Variants in LYST observed in about 807,000 individuals in gnomAD.
The protein encoded by LYST is lysosomal trafficking regulator.
A neutral mutation model predicts 413.6 loss-of-function variants in LYST; 192 were observed. That is an observed-to-expected ratio of 0.46 (90% CI 0.41 to 0.52). The LOEUF is 0.52. Among genes scored for constraint, LYST ranks in the 20% least tolerant of loss-of-function variants. The pLI, the probability that LYST is intolerant of heterozygous loss-of-function variation, is 0.00. For missense variants in LYST, 3,815 were observed against 4,499.9 expected, an observed-to-expected ratio of 0.85 and a Z score of 4.35; for synonymous variants, 1,525 against 1,567.3, an observed-to-expected ratio of 0.97 and a Z score of 0.64.
intron 10 of LYST, among the ~76,000 whole-genome samples, 194 bp from the exon 11 acceptor site, chr1:235,793,806 C>A (rs1671277704): frequency 6.6e-6 from 1 of 151,884 alleles, no homozygotes; most frequent in African/African-American, 2.4e-5. Context: ...ACAAAAACAA[C>A]AAAAACCACT....
chr1:235,712,701 G>T, intron 42 of LYST: 5 of 985,038 alleles, frequency 5.1e-6, no homozygotes, highest in South Asian at 4.7e-5. Flanking sequence ...TTTCGGGGGG[G>T]TGCGTAGGTT....
At chr1:235,869,365 G>A (rs142715841), upstream of LYST, among the ~76,000 whole-genome samples, 1 of 152,154 alleles carries the variant, frequency 6.6e-6, no homozygotes, top group African/African-American at 2.4e-5. Flanking sequence ...TCAGCTAATC[G>A]AGAGGCTGAG....
intron 1 of LYST, among the ~76,000 whole-genome samples, chr1:235,876,404 TA>T (rs768105154): frequency 3.9e-5 from 6 of 152,216 alleles, no homozygotes; most frequent in Non-Finnish European, 7.3e-5. Flanking sequence ...TTGAGTTTAC[TA>T]AGTTGTGGGA....
chr1:235,693,179 T>C (rs1287602633), intron 47 of LYST, among the ~76,000 whole-genome samples, 171 bp downstream of exon 47: 1 of 152,040 alleles, frequency 6.6e-6, no homozygotes, highest in Non-Finnish European at 1.5e-5. Flanking sequence ...CAGCTGGGCG[T>C]GGTGGCAGGT....
chr1:235,749,512 A>G (rs1408401212), intron 28 of LYST, among the ~76,000 whole-genome samples: 1 of 152,084 alleles, frequency 6.6e-6, no homozygotes, highest in East Asian at 1.9e-4. Context: ...CAAAGGGGTG[A>G]GTATAGGGGT....
intron 3 of LYST, among the ~76,000 whole-genome samples, chr1:235,813,495 T>C (rs1404667245): frequency 1.3e-5 from 2 of 152,110 alleles, no homozygotes; most frequent in Non-Finnish European, 2.9e-5. Context: ...AAAGAGAAAT[T>C]GACATTATTA....
chr1:235,865,069 T>C (rs1680343552), intron 1 of LYST, among the ~76,000 whole-genome samples: 1 of 152,240 alleles, frequency 6.6e-6, no homozygotes, highest in Admixed American at 6.5e-5. Flanking sequence ...TTTGACTTTA[T>C]TTCTACTCCT....
At chr1:235,825,387 G>A (rs1379841091) in intron 3 of LYST, among the ~76,000 whole-genome samples, 1 of 151,996 alleles carries the variant, frequency 6.6e-6, no homozygotes, top group Non-Finnish European at 1.5e-5. Flanking sequence ...TACAAATTGG[G>A]AAAAAAGTAA....
intron 14 of LYST, among the ~76,000 whole-genome samples, chr1:235,782,322 C>G (rs760301959): frequency 6.6e-6 from 1 of 151,992 alleles, no homozygotes; most frequent in African/African-American, 2.4e-5. Context: ...GTGCCCGCCA[C>G]CAGGCCTGGT....
chr1:235,866,693 T>G (rs1403552708), intron 1 of LYST, 150 bp downstream of exon 1: 1 of 134,558 alleles, frequency 7.4e-6, no homozygotes, highest in Admixed American at 6.9e-5. Flanking sequence ...CCGAGTGCCC[T>G]CGCGCCCTCG....
intron 11 of LYST, among the ~76,000 whole-genome samples, chr1:235,792,503 C>G (rs903126724): frequency 6.6e-6 from 1 of 151,706 alleles, no homozygotes; most frequent in South Asian, 2.1e-4. Context: ...TTAGTAGAGA[C>G]GAGGTTTCAT....
At chr1:235,778,597 C>T (rs2103464772) in intron 16 of LYST, among the ~76,000 whole-genome samples, 1 of 151,898 alleles carries the variant, frequency 6.6e-6, no homozygotes, top group African/African-American at 2.4e-5. Context: ...TGGTCTCGAA[C>T]TGGCTGGTCT....
At chr1:235,717,835 A>C (rs1662980197) in intron 40 of LYST, among the ~76,000 whole-genome samples, 1 of 152,204 alleles carries the variant, frequency 6.6e-6, no homozygotes, top group Non-Finnish European at 1.5e-5. Flanking sequence ...CAATTTATAG[A>C]ATAGATACAA....
In LYST at chr1:235,819,121, A is replaced by G. The variant is rs149523135; in HGVS notation, c.193-6060T>C. Among the ~76,000 whole-genome samples, 15 of 152,316 alleles carry G rather than the reference A, an allele frequency of 9.8e-5. No homozygotes were observed. In the East Asian group the frequency reaches 2.9e-3, roughly 29 times the overall value. ...GTTTGGGTTTTGGCCCCTCTGCTGG[A>G]ATTGTAGTCCTGAAGAGGGCATCCC... On this transcript the variant is annotated intron_variant, in intron 3 of 52. Coordinates refer to ENST00000389793, the MANE Select transcript of LYST (RefSeq NM_000081.4).
chr1:235,720,361 T>C (rs1395344550), intron 40 of LYST, among the ~76,000 whole-genome samples: 1 of 152,084 alleles, frequency 6.6e-6, no homozygotes, highest in Non-Finnish European at 1.5e-5. Context: ...TCAATTTTCT[T>C]ACATGTGATA....
intron 1 of LYST, among the ~76,000 whole-genome samples, chr1:235,835,889 T>C (rs563235583): frequency 6.6e-6 from 1 of 152,332 alleles, no homozygotes; most frequent in East Asian, 1.9e-4. Context: ...CTTTCATAGC[T>C]ATAATGCCCA....
intron 19 of LYST, among the ~76,000 whole-genome samples, chr1:235,771,409 T>C (rs1159526714): frequency 2.0e-5 from 3 of 152,198 alleles, no homozygotes; most frequent in Non-Finnish European, 4.4e-5. Flanking sequence ...CAACCCCAAA[T>C]TTGCCTGCTC....
intron 13 of LYST, among the ~76,000 whole-genome samples, chr1:235,787,696 G>T (rs1241903600): frequency 6.6e-6 from 1 of 151,988 alleles, no homozygotes; most frequent in Non-Finnish European, 1.5e-5. Flanking sequence ...AAATTACAAT[G>T]TATTATTTGG....
rs754596305 is a variant in LYST, at chr1:235,809,336, C to T, written c.1482G>A (p.Ser494=). The T allele has an allele frequency of 4.0e-5, 65 of 1,613,934 alleles. 1 individual carries two copies. In the South Asian group the frequency reaches 5.1e-4, roughly 13 times the overall value. ...KKVKSEQLHH[S]MCTRKRHRRC... ...GTCTGTGCCTTTTTCTTGTACACAT[C>T]GAATGATGAAGTTGCTCTGATTTCA... is the stretch of plus-strand genomic sequence containing the variant. Residue 494 remains serine (S), a synonymous_variant, in exon 5 of 53, where the codon TCG becomes TCA. Coordinates refer to ENST00000389793, the MANE Select transcript of LYST (RefSeq NM_000081.4). This position sits in a 1 kb window ranked among gnomAD's most constrained non-coding sequence, Gnocchi z 4.0.
Sources: allele counts gnomAD v4.1 joint callset (sites outside exome capture counted in the v4.1 genomes callset), GRCh38; gene constraint gnomAD v4.1.1; non-coding constraint Gnocchi (gnomAD v3.1); transcripts MANE v1.5; gene names NCBI Gene and HGNC (gene_info 2026-07-23, HGNC 2026-07-21).